The following ZNF182 variants were observed in gnomAD, a reference collection of about 807,000 sequenced individuals.
ZNF182 encodes zinc finger protein 182.
A neutral mutation model predicts 28.1 loss-of-function variants in ZNF182; 10 were observed. The ratio of observed to expected loss-of-function variants is 0.36; its 90% CI spans 0.22 to 0.60. ZNF182 has a LOEUF of 0.60. Among genes scored for constraint, ZNF182 ranks in the 20% least tolerant of loss-of-function variants. The pLI is 0.75. For synonymous variants in ZNF182, 156 were observed against 158.7 expected (o/e 0.98, Z 0.13); for missense variants, 352 against 453.2 (o/e 0.78, Z 2.03).
chrX:47,993,428 G>A (rs1166470843), intron 3 of ZNF182, among the ~76,000 whole-genome samples: 2 of 112,089 alleles, frequency 1.8e-5, no homozygotes, highest in Non-Finnish European at 3.8e-5. Flanking sequence ...CTCTGAATTT[G>A]TAGTCAACCA....
At chrX:47,978,518 T>G (rs1341356690) in intron 5 of ZNF182, among the ~76,000 whole-genome samples, 1 of 112,581 alleles carries the variant, frequency 8.9e-6, no homozygotes, top group Non-Finnish European at 1.9e-5. Flanking sequence ...AATGGTTAGC[T>G]TGACAAAAAC....
At chrX:47,981,450 A>G (rs782127905) in intron 5 of ZNF182, among the ~76,000 whole-genome samples, 4 of 112,775 alleles carry the variant, frequency 3.5e-5, no homozygotes, top group Non-Finnish European at 5.6e-5. Context: ...ACAAAAAGAT[A>G]TAACTTAGTG....
At chrX:47,991,675 T>G (rs1489087610) in intron 3 of ZNF182, among the ~76,000 whole-genome samples, 1 of 111,522 alleles carries the variant, frequency 9.0e-6, no homozygotes, top group Middle Eastern at 4.2e-3. Context: ...CTGAAAGTGA[T>G]GCAAGAGACA....
At chrX:48,001,899 T>G (rs1210905198) in intron 3 of ZNF182, among the ~76,000 whole-genome samples, 3 of 111,459 alleles carry the variant, frequency 2.7e-5, no homozygotes, top group African/African-American at 6.5e-5. Flanking sequence ...GGAGTTTTTT[T>G]GGGGTGATGA....
In ZNF182 at chrX:47,976,594, T is replaced by A. The variant is rs2058885050; in HGVS notation, c.1436A>T (p.Lys479Ile). Reference sequence around the variant, plus strand: ...TCTTTGATGTATAATGAGATATGATTTCTGTGAAAATGCTTTTTCACATTC... The same window carrying A: ...TCTTTGATGTATAATGAGATATGATATCTGTGAAAATGCTTTTTCACATTC... ...CNECEKAFSQ[K>I]SYLIIHQRTH... Residue 479 changes from lysine (K) to isoleucine (I), a missense_variant, in exon 6 of 6, where the codon AAA (lysine) becomes ATA (isoleucine). Physicochemically the swap from Lys to Ile is moderately radical, Grantham distance 102 (BLOSUM62 -3). Transcript: ENST00000376943. 1.7e-6 allele frequency: 2 copies of A among 1,208,734 alleles called. No homozygotes were observed. The highest frequency in any genetic ancestry group is 2.2e-6 in the Non-Finnish European group (2 of 894,526).
chrX:47,982,194 C>T, intron 5 of ZNF182, among the ~76,000 whole-genome samples: 2 of 111,873 alleles, frequency 1.8e-5, no homozygotes, highest in Middle Eastern at 4.6e-3. Context: ...TGAAAACATG[C>T]CAAGTGAAAG....
rs61736403 is a variant in ZNF182, at chrX:47,976,662, C to T, written c.1368G>A (p.Leu456=). The change falls in exon 6 of 6, where the codon CTG becomes CTA. Residue 456 remains leucine (L), a synonymous_variant. Transcript: ENST00000376943. The stretch of plus-strand genomic sequence containing the variant: ...TCTCTCCTGTATGACCTCTCTGATG[C>T]AGCATGAGGTAGGACTTCTGAGAGA... ...KAFSQKSYLM[L]HQRGHTGEKP... is the part of the protein sequence containing the mutation. The T allele has an allele frequency of 1.4e-4, 173 of 1,206,020 alleles. No homozygotes were observed. Among genetic ancestry groups the T allele is most frequent in the Middle Eastern group, 2.3e-4 (1 of 4,331 alleles).
intron 5 of ZNF182, among the ~76,000 whole-genome samples, chrX:47,980,362 A>C (rs1002441709): frequency 9.0e-6 from 1 of 111,430 alleles, no homozygotes; most frequent in Non-Finnish European, 1.9e-5. Context: ...AGATAGGAGG[A>C]ATAAGTTTCC....
In ZNF182 at chrX:47,977,437, C is replaced by T. The variant is rs782784342; in HGVS notation, c.593G>A (p.Arg198Gln). Residue 198 changes from arginine (R) to glutamine (Q), a missense_variant, in exon 6 of 6, where the codon CGA becomes CAA. Transcript: ENST00000376943. ...GYKECGKGLR[R>Q]KKGLSLHQRI... Reference sequence around the variant, plus strand: ...CTGATGTAGACTAAGGCCTTTCTTTCGCCTAAGACCTTTCCCACACTCTTT... The same window carrying T: ...CTGATGTAGACTAAGGCCTTTCTTTTGCCTAAGACCTTTCCCACACTCTTT... 21 of 1,208,886 alleles carry T rather than the reference C, an allele frequency of 1.7e-5. No individual in the cohort carries two copies. In the East Asian group the frequency reaches 2.7e-4, roughly 15 times the overall value.
chrX:47,984,624 C>T (rs1312810743), intron 3 of ZNF182, among the ~76,000 whole-genome samples: 3 of 111,119 alleles, frequency 2.7e-5, no homozygotes, highest in Non-Finnish European at 3.8e-5. Context: ...TCACCTGCTT[C>T]GAAACTCGAA....
At chrX:47,982,259 G>C (rs927717084) in intron 5 of ZNF182, among the ~76,000 whole-genome samples, 8 of 111,884 alleles carry the variant, frequency 7.2e-5, no homozygotes, top group Non-Finnish European at 1.3e-4. Flanking sequence ...AAAATGTCCA[G>C]AACAGGCAAA....
At chrX:47,987,111 A>AGAGAAC (rs1460644949) in intron 3 of ZNF182, among the ~76,000 whole-genome samples, 1 of 111,944 alleles carries the variant, frequency 8.9e-6, no homozygotes, top group Non-Finnish European at 1.9e-5. Context: ...CTGTCCCTCT[A>AGAGAAC]GAGAACCTTG....
intron 3 of ZNF182, among the ~76,000 whole-genome samples, chrX:47,997,667 A>G (rs936073459): frequency 9.0e-6 from 1 of 110,912 alleles, no homozygotes; most frequent in Admixed American, 9.6e-5. Flanking sequence ...TGGTAGGCAC[A>G]TGTAACCCCA....
intron 5 of ZNF182, among the ~76,000 whole-genome samples, chrX:47,982,056 T>C (rs781850630): frequency 2.3e-3 from 257 of 111,524 alleles, no homozygotes; most frequent in African/African-American, 8.1e-3. Context: ...AACCAAAAGG[T>C]TGAAACAAGC....
chrX:47,992,526 C>T (rs902570327), intron 3 of ZNF182, among the ~76,000 whole-genome samples: 4 of 110,612 alleles, frequency 3.6e-5, no homozygotes, highest in Non-Finnish European at 5.7e-5. Context: ...ATGGAACTTG[C>T]ACCTGCTTGC....
intron 2 of ZNF182, among the ~76,000 whole-genome samples, chrX:48,002,860 A>G (rs1425457825): frequency 8.9e-6 from 1 of 112,424 alleles, no homozygotes; most frequent in East Asian, 2.8e-4. Context: ...ATACACATAT[A>G]TTAAATTGTG....
chrX:47,989,392 A>C (rs1475916719), intron 3 of ZNF182, among the ~76,000 whole-genome samples: 4 of 104,532 alleles, frequency 3.8e-5, no homozygotes, highest in African/African-American at 1.0e-4. Flanking sequence ...GCGCCACAGC[A>C]CTCCAGCCTA....
chrX:47,977,038 T>G lies in ZNF182; in HGVS notation c.992A>C (p.Lys331Thr). 8.3e-7 allele frequency: 1 copy of G among 1,208,325 alleles called. No homozygotes were observed. The highest frequency in any genetic ancestry group is 1.1e-6 in the Non-Finnish European group (1 of 894,357). Reference sequence around the variant, plus strand: ...CTTCTGTATGAAAGATTCTCCACATTTAGTGCATTCATAGGTTTTCTCTCC... The same window carrying G: ...CTTCTGTATGAAAGATTCTCCACATGTAGTGCATTCATAGGTTTTCTCTCC... The part of the protein sequence containing the change: ...HTGEKTYECT[K>T]CGESFIQKLD... The change falls in exon 6 of 6, where the codon AAA becomes ACA. Residue 331 changes from lysine (K) to threonine (T), a missense_variant. Transcript: ENST00000376943.
chrX:47,993,854 GA>G (rs1167568841), intron 3 of ZNF182, among the ~76,000 whole-genome samples: 2 of 104,261 alleles, frequency 1.9e-5, no homozygotes, highest in South Asian at 4.1e-4. Context: ...AAAGAAAACT[GA>G]AAAAAAAAAT....
Sources: gnomAD v4.1 joint callset for allele counts (sites outside exome capture counted in the v4.1 genomes callset) on GRCh38, gnomAD v4.1.1 for gene constraint, MANE v1.5 for transcripts, NCBI Gene and HGNC (gene_info 2026-07-23, HGNC 2026-07-21) for gene names.